CDIP1: variants seen among roughly 807,000 people sequenced by gnomAD.
CDIP1 encodes cell death-inducing p53-target protein 1.
CDIP1 carries 9 observed loss-of-function variants against 17.7 expected under a neutral mutation model. The ratio of observed to expected loss-of-function variants is 0.51; its 90% CI spans 0.31 to 0.89. The LOEUF (loss-of-function observed/expected upper bound fraction) is 0.89. CDIP1 is among the 40% of genes least tolerant of loss of function. The probability of loss-of-function intolerance (pLI) is 0.05; values close to 1 mark genes in which losing one functional copy is unlikely to be tolerated. For missense variants in CDIP1, 263 were observed against 277.9 expected, an observed-to-expected ratio of 0.95 and a Z score of 0.38; for synonymous variants, 117 against 109.5, an observed-to-expected ratio of 1.07 and a Z score of -0.43.
rs931501565 is a variant in CDIP1, at chr16:4,512,641, G to C, written c.558C>G (p.Asp186Glu). Reference protein sequence around the residue: ...GCCLIPCLINDFKDVTHTCPS... With the variant: ...GCCLIPCLINEFKDVTHTCPS... The stretch of plus-strand genomic sequence containing the variant: ...GGCATGTGTGCGTCACATCCTTGAA[G>C]TCATTGATGAGGCAGGGGATCAGGC... The change falls in exon 6 of 6, where the codon GAC becomes GAG. Residue 186 changes from aspartate (D) to glutamate (E), a missense_variant. By Grantham distance (45) the Asp-to-Glu change is conservative. Transcript: ENST00000567695. This position sits in a 1 kb window ranked among gnomAD's most constrained non-coding sequence, Gnocchi z 4.6. 7.4e-6 allele frequency: 12 copies of C among 1,614,046 alleles called. No homozygotes were observed. Among genetic ancestry groups the C allele is most frequent in the Non-Finnish European group, 1.0e-5 (12 of 1,179,940 alleles).
At chr16:4,530,974 A>AT (rs1227018052) in intron 1 of CDIP1, among the ~76,000 whole-genome samples, 1 of 152,130 alleles carries the variant, frequency 6.6e-6, no homozygotes, top group Non-Finnish European at 1.5e-5. Flanking sequence ...CAGAAGACTT[A>AT]TTCTGGAAGC....
rs2058824899 is a variant in CDIP1, at chr16:4,511,234, C to G, written c.*1338G>C. The stretch of plus-strand genomic sequence containing the variant: ...CTGAGGGTGTGAGACCCTGAGGACT[C>G]AGCCTCCCGTCCTGCCAGTAGACTG... On this transcript the variant is annotated 3_prime_UTR_variant, in exon 6 of 6. Coordinates refer to ENST00000567695, the MANE Select transcript of CDIP1 (RefSeq NM_013399.3). 1 of 152,642 alleles carries G rather than the reference C, an allele frequency of 6.6e-6. No individual in the cohort carries two copies. The highest frequency in any genetic ancestry group is 2.4e-5 in the African/African-American group (1 of 41,446). The allele number at this position is 152,642 out of a possible 1,614,324, so 9.5% of individuals were successfully genotyped here.
intron 1 of CDIP1, among the ~76,000 whole-genome samples, chr16:4,522,822 C>A (rs183769062): frequency 2.8e-4 from 43 of 152,332 alleles, no homozygotes; most frequent in African/African-American, 1.0e-3. Context: ...GAATCCCCAC[C>A]AAGGGTGCAG....
rs2058850404 is a variant in CDIP1 at position 4,513,103 on chromosome 16, C to G, written c.242-39G>C. The G allele has an allele frequency of 1.3e-6, 2 of 1,530,232 alleles. No homozygotes were observed. Among genetic ancestry groups the G allele is most frequent in the Non-Finnish European group, 1.7e-6 (2 of 1,145,854 alleles). The allele number at this position is 1,530,232 out of a possible 1,614,324, so 94.8% of individuals were successfully genotyped here. On this transcript the variant is annotated intron_variant, in intron 4 of 5. Transcript: ENST00000567695. The surrounding 1 kb of genome is among the most constrained non-coding windows in gnomAD (Gnocchi z 4.1). ...GAAGATGGAGGCGAGAGGTCACTGG[C>G]CTGCCACCTGCACCAGACAAAGAGA...
intron 1 of CDIP1, among the ~76,000 whole-genome samples, chr16:4,516,081 G>T (rs903111321): frequency 1.2e-4 from 19 of 152,316 alleles, no homozygotes; most frequent in African/African-American, 4.6e-4. Flanking sequence ...GACAATGGAA[G>T]ACGATTCGGC....
chr16:4,528,762 G>A (rs1345459832), intron 1 of CDIP1, among the ~76,000 whole-genome samples: 1 of 148,476 alleles, frequency 6.7e-6, no homozygotes, highest in African/African-American at 2.5e-5. Context: ...GCTGAGGCAC[G>A]CAGATCACCT....
At chr16:4,535,128 C>T (rs1380763070) in intron 1 of CDIP1, among the ~76,000 whole-genome samples, 2 of 152,230 alleles carry the variant, frequency 1.3e-5, no homozygotes, top group Non-Finnish European at 2.9e-5. Flanking sequence ...TCTCTACCTA[C>T]TTCCACCTTT....
In CDIP1 at chr16:4,510,732, A is replaced by C. The variant is rs2058818559; in HGVS notation, c.*1840T>G. 1 of 152,218 alleles carries C rather than the reference A, an allele frequency of 6.6e-6. No individual in the cohort carries two copies. The allele number at this position is 152,218 out of a possible 1,614,324, so 9.4% of individuals were successfully genotyped here. On this transcript the variant is annotated 3_prime_UTR_variant, in exon 6 of 6. Transcript: ENST00000567695. ...GAACTTAAATAATTTTATTAATAGGAATCTACTACCTGTAAAAGTTTTATT... is the reference window on the plus strand; with the variant it reads ...GAACTTAAATAATTTTATTAATAGGCATCTACTACCTGTAAAAGTTTTATT...
In CDIP1 at chr16:4,512,734, G is replaced by T; in HGVS notation, c.516-51C>A. The T allele has an allele frequency of 6.2e-7, 1 of 1,605,052 alleles. No individual in the cohort carries two copies. Among genetic ancestry groups the T allele is most frequent in the South Asian group, 1.1e-5 (1 of 90,554 alleles). On this transcript the variant is annotated intron_variant, in intron 5 of 5. Transcript: ENST00000567695. This position sits in a 1 kb window ranked among gnomAD's most constrained non-coding sequence, Gnocchi z 4.6. ...GCTGAGGCCTGCTGCGGAGGAGGCA[G>T]AGGCAGCCAGTTGACCCTGGTGCAG... is the stretch of plus-strand genomic sequence containing the variant.
chr16:4,513,006 G>A lies in CDIP1; in HGVS notation c.300C>T (p.Tyr100=), dbSNP rs761189623. 2.5e-6 allele frequency: 4 copies of A among 1,590,326 alleles called. No homozygotes were observed. The highest frequency in any genetic ancestry group is 3.4e-6 in the Non-Finnish European group (4 of 1,169,548). Residue 100 remains tyrosine (Y), a synonymous_variant, in exon 5 of 6, where the codon TAC becomes TAT. Transcript: ENST00000567695. This position sits in a 1 kb window ranked among gnomAD's most constrained non-coding sequence, Gnocchi z 4.1. ...PPMGYYPPGP[Y]TPGPYPGPGG... The stretch of plus-strand genomic sequence containing the variant: ...CAGGGCCAGGGTAGGGCCCTGGCGT[G>A]TAGGGCCCTGGGGGGTAGTAGCCCA...
At position 4,514,233 on chromosome 16, in the gene CDIP1, C is replaced by CATCCTCAG; in HGVS notation, c.-14-90_-14-89insCTGAGGAT. 1 of 733,884 alleles carries CATCCTCAG rather than the reference C, an allele frequency of 1.4e-6. No homozygotes were observed. 45.5% of individuals were successfully genotyped at this position (733,884 alleles called of 1,614,324 possible). On this transcript the variant is annotated intron_variant, in intron 2 of 5. Transcript: ENST00000567695. This position sits in a 1 kb window ranked among gnomAD's most constrained non-coding sequence, Gnocchi z 5.2. ...CCTGTGGGGTGGCCAAGATGCTGCA[C>CATCCTCAG]AAGGCGTGTGACCATCCTCAGAAGG... is the stretch of plus-strand genomic sequence containing the variant.
At position 4,512,829 on chromosome 16, in the gene CDIP1, C is replaced by T. The variant is rs769583102; in HGVS notation, c.477G>A (p.Leu159=). 46 of 1,564,148 alleles carry T rather than the reference C, an allele frequency of 2.9e-5. No individual in the cohort carries two copies. Among genetic ancestry groups the T allele is most frequent in the Non-Finnish European group, 3.8e-5 (44 of 1,153,976 alleles). The part of the protein sequence containing the change: ...ITTKISYEIG[L]MNFVLGFFCC... ...AGAAGAAACCCAGCACGAAATTCAT[C>T]AAGCCAATCTCGTAGGAGATCTTGG... is the stretch of plus-strand genomic sequence containing the variant. The change falls in exon 5 of 6, where the codon TTG becomes TTA. Residue 159 remains leucine, a synonymous_variant. Coordinates refer to ENST00000567695, the MANE Select transcript of CDIP1 (RefSeq NM_013399.3). This position sits in a 1 kb window ranked among gnomAD's most constrained non-coding sequence, Gnocchi z 4.6.
At chr16:4,534,319 T>G (rs543885714) in intron 1 of CDIP1, among the ~76,000 whole-genome samples, 4 of 152,096 alleles carry the variant, frequency 2.6e-5, no homozygotes, top group African/African-American at 4.8e-5. Context: ...CGAGAGAGAC[T>G]CCACTGCGTC....
intron 1 of CDIP1, among the ~76,000 whole-genome samples, chr16:4,531,250 G>C (rs1177572863): frequency 1.3e-5 from 2 of 151,850 alleles, no homozygotes; most frequent in Non-Finnish European, 2.9e-5. Flanking sequence ...GGATGGTCTC[G>C]ATCTCCCGAC....
intron 1 of CDIP1, among the ~76,000 whole-genome samples, chr16:4,530,443 A>C (rs893272417): frequency 1.3e-5 from 2 of 152,034 alleles, no homozygotes; most frequent in African/African-American, 4.8e-5. Flanking sequence ...TGAGGTCGGG[A>C]GTTCGAAACC....
At position 4,513,926 on chromosome 16, in the gene CDIP1, T is replaced by A; in HGVS notation, c.86-75A>T. 1.4e-6 allele frequency: 2 copies of A among 1,447,768 alleles called. No homozygotes were observed. Among genetic ancestry groups the A allele is most frequent in the Non-Finnish European group, 1.9e-6 (2 of 1,075,970 alleles). The allele number at this position is 1,447,768 out of a possible 1,614,324, so 89.7% of individuals were successfully genotyped here. ...ATGAGCTCGACCAGAGGCCACTGTTTTGGGACACAGATGGGGCCCAGGGGT... is the reference window on the plus strand; with the variant it reads ...ATGAGCTCGACCAGAGGCCACTGTTATGGGACACAGATGGGGCCCAGGGGT... On this transcript the variant is annotated intron_variant, in intron 3 of 5. Transcript: ENST00000567695. The surrounding 1 kb of genome is among the most constrained non-coding windows in gnomAD (Gnocchi z 4.1).
intron 1 of CDIP1, among the ~76,000 whole-genome samples, chr16:4,527,015 T>G (rs920749824): frequency 6.7e-6 from 1 of 150,048 alleles, no homozygotes; most frequent in Non-Finnish European, 1.5e-5. Context: ...AGGCCATGGG[T>G]GAAGAGCACA....
rs182996427 is a variant in CDIP1 at position 4,512,276 on chromosome 16, C to G, written c.*296G>C. ...GTTTGGAAACAGAGGCATCAGGACCCCAGCAGGAGACCCCTCCCAGCTTAT... is the reference window on the plus strand; with the variant it reads ...GTTTGGAAACAGAGGCATCAGGACCGCAGCAGGAGACCCCTCCCAGCTTAT... On this transcript the variant is annotated 3_prime_UTR_variant, in exon 6 of 6. Transcript: ENST00000567695. The surrounding 1 kb of genome is among the most constrained non-coding windows in gnomAD (Gnocchi z 4.6). 4 of 492,858 alleles carry G rather than the reference C, an allele frequency of 8.1e-6. No individual in the cohort carries two copies. In the Admixed American group the frequency reaches 1.3e-4, roughly 16 times the overall value. 30.5% of individuals were successfully genotyped at this position (492,858 alleles called of 1,614,324 possible). A position where few individuals can be genotyped will look rare whatever the true frequency, so the allele number is the denominator to read the frequency against.
At chr16:4,529,146 A>AT (rs2059029597) in intron 1 of CDIP1, among the ~76,000 whole-genome samples, 1 of 152,190 alleles carries the variant, frequency 6.6e-6, no homozygotes, top group South Asian at 2.1e-4. Flanking sequence ...CCTTATGGCC[A>AT]TAGGTCTCCC....
Sources: allele counts gnomAD v4.1 joint callset (sites outside exome capture counted in the v4.1 genomes callset), GRCh38; gene constraint gnomAD v4.1.1; non-coding constraint Gnocchi (gnomAD v3.1); transcripts MANE v1.5; gene names NCBI Gene and HGNC (gene_info 2026-07-23, HGNC 2026-07-21).